WWOX: variants seen among roughly 807,000 people sequenced by gnomAD.
The protein encoded by WWOX is WW domain-containing oxidoreductase.
WWOX carries 69 observed loss-of-function variants against 46.2 expected under a neutral mutation model. The observed-to-expected ratio is 1.49, with a 90% CI of 1.23 to 1.82. WWOX has a LOEUF of 1.82. WWOX is among the 40% of genes most tolerant of loss of function. The pLI, the probability that WWOX is intolerant of heterozygous loss-of-function variation, is 0.00. For synonymous variants in WWOX, 359 were observed against 202.6 expected (o/e 1.77, Z -6.56); for missense variants, 919 against 542.6 (o/e 1.69, Z -6.89).
Position 78,948,085 on chromosome 16 carries a change from T to G in WWOX, c.1057-263523T>G, listed in dbSNP as rs2045983523. On this transcript the variant is annotated intron_variant, in intron 8 of 8. Transcript: ENST00000566780. Reference sequence around the variant, plus strand: ...CCTGTGCCGTCAGAGAGAGTTCAACTCCATCCGTGCAGCTGCTAGCATCTT... The same window carrying G: ...CCTGTGCCGTCAGAGAGAGTTCAACGCCATCCGTGCAGCTGCTAGCATCTT... Among the ~76,000 whole-genome samples the G allele has an allele frequency of 3.3e-5, 5 of 152,278 alleles. No homozygotes were observed. In the South Asian group the frequency reaches 1.0e-3, roughly 32 times the overall value.
At chr16:78,524,556 G>T (rs1292475723) in intron 8 of WWOX, among the ~76,000 whole-genome samples, 5 of 151,678 alleles carry the variant, frequency 3.3e-5, no homozygotes, top group Non-Finnish European at 7.4e-5. Context: ...GAGTAGCTGG[G>T]ATTACAGTTG....
At chr16:78,551,027 TAATATATTCCATGAAACAAGTATCGTG>T (rs1597252593) in intron 8 of WWOX, 1 of 152,214 alleles carries the variant, frequency 6.6e-6, no homozygotes, top group Non-Finnish European at 1.5e-5. Flanking sequence ...AACAAATACC[TAATATATTCCATGAAACAAGTATCGTG>T]AATATATTCC....
In WWOX at chr16:78,783,333, A is replaced by G. The variant is rs942099793; in HGVS notation, c.1056+350581A>G. 5.3e-5 allele frequency among the ~76,000 whole-genome samples: 8 copies of G among 152,230 alleles called. No individual in the cohort carries two copies. The South Asian group carries it at 1.0e-3, about 20-fold the overall frequency. ...ATGAAACATGCCATGGCCAGTGGAG[A>G]CAGGCTTGGGCTGATGGAGAGGGCC... is the stretch of plus-strand genomic sequence containing the variant. On this transcript the variant is annotated intron_variant, in intron 8 of 8. Transcript: ENST00000566780.
At chr16:78,857,715 G>A (rs2151187394) in intron 8 of WWOX, among the ~76,000 whole-genome samples, 1 of 152,244 alleles carries the variant, frequency 6.6e-6, no homozygotes, top group East Asian at 1.9e-4. Context: ...TTCCCTAGTA[G>A]TAACATTATA....
At chr16:78,589,301 C>T (rs2045296577) in intron 8 of WWOX, among the ~76,000 whole-genome samples, 1 of 152,124 alleles carries the variant, frequency 6.6e-6, no homozygotes, top group African/African-American at 2.4e-5. Flanking sequence ...AATATTTAGT[C>T]CATTCTGTAT....
chr16:78,718,648 C>T (rs968935835), intron 8 of WWOX, among the ~76,000 whole-genome samples: 4 of 151,934 alleles, frequency 2.6e-5, no homozygotes, highest in Non-Finnish European at 5.9e-5. Context: ...TTTGAGGCTA[C>T]CCTGAGCTAT....
chr16:78,530,782 A>T (rs1482123002), intron 8 of WWOX, among the ~76,000 whole-genome samples: 1 of 152,172 alleles, frequency 6.6e-6, no homozygotes, highest in Non-Finnish European at 1.5e-5. Flanking sequence ...TATGAAATTT[A>T]ATATGGTGAG....
chr16:79,192,725 C>G (rs1229867781), intron 8 of WWOX, among the ~76,000 whole-genome samples: 1 of 152,168 alleles, frequency 6.6e-6, no homozygotes, highest in African/African-American at 2.4e-5. Flanking sequence ...AGCCCCTTTG[C>G]TTATTCTCAG....
intron 8 of WWOX, among the ~76,000 whole-genome samples, chr16:78,957,280 C>G (rs367847310): frequency 6.6e-6 from 1 of 152,184 alleles, no homozygotes; most frequent in East Asian, 1.9e-4. Context: ...ACATGCGTGA[C>G]GACCAGATAA....
chr16:78,154,681 C>G (rs1325007409), intron 4 of WWOX, among the ~76,000 whole-genome samples: 1 of 152,062 alleles, frequency 6.6e-6, no homozygotes, highest in Non-Finnish European at 1.5e-5. Flanking sequence ...TTGTGCTTCT[C>G]TGTCCACGCA....
chr16:78,384,640 C>G (rs1597139967), intron 5 of WWOX, among the ~76,000 whole-genome samples: 1 of 152,122 alleles, frequency 6.6e-6, no homozygotes, highest in Non-Finnish European at 1.5e-5. Context: ...AGGAAACTAA[C>G]AACCCACGTG....
chr16:78,534,824 C>G (rs1567627832), intron 8 of WWOX, among the ~76,000 whole-genome samples: 1 of 151,988 alleles, frequency 6.6e-6, no homozygotes, highest in Non-Finnish European at 1.5e-5. Context: ...ATTCCACTGC[C>G]CTGATCAGCT....
chr16:79,020,013 C>A (rs760611417), intron 8 of WWOX, among the ~76,000 whole-genome samples: 1 of 152,224 alleles, frequency 6.6e-6, no homozygotes, highest in African/African-American at 2.4e-5. Flanking sequence ...AAGAGCTCAT[C>A]ATTAACATGC....
At chr16:78,272,996 G>T (rs1230758555) in intron 5 of WWOX, among the ~76,000 whole-genome samples, 3 of 151,978 alleles carry the variant, frequency 2.0e-5, no homozygotes, top group Admixed American at 1.3e-4. Context: ...CTGATTACAG[G>T]GATTTTTGTT....
intron 8 of WWOX, among the ~76,000 whole-genome samples, chr16:78,941,201 A>T (rs1239102031): frequency 6.6e-6 from 1 of 152,174 alleles, no homozygotes; most frequent in Non-Finnish European, 1.5e-5. Flanking sequence ...GCAAAGGATA[A>T]ATCTATCATG....
In WWOX at chr16:78,756,461, G is replaced by T. The variant is rs530145268; in HGVS notation, c.1056+323709G>T. On this transcript the variant is annotated intron_variant, in intron 8 of 8. Coordinates refer to ENST00000566780, the MANE Select transcript of WWOX (RefSeq NM_016373.4). ...CAGTCTGGGATTCCAGAAAAAGATT[G>T]ATTAGGCAATAGTTTACCTTAGACC... 3.3e-5 allele frequency among the ~76,000 whole-genome samples: 5 copies of T among 152,272 alleles called. No individual in the cohort carries two copies. The East Asian group carries it at 9.7e-4, about 29-fold the overall frequency.
chr16:78,204,222 T>G (rs2036321163), intron 5 of WWOX, among the ~76,000 whole-genome samples: 1 of 152,158 alleles, frequency 6.6e-6, no homozygotes. Context: ...CCCTCCAGCC[T>G]TTTTTTGTTC....
intron 5 of WWOX, among the ~76,000 whole-genome samples, chr16:78,358,672 A>ATGTGTG (rs59222504): frequency 1.3e-5 from 2 of 151,268 alleles, no homozygotes; most frequent in African/African-American, 2.4e-5. Context: ...AATAAATAAT[A>ATGTGTG]TGTGTGTGTG....
At chr16:78,744,332 T>C (rs2049297329) in intron 8 of WWOX, among the ~76,000 whole-genome samples, 1 of 152,074 alleles carries the variant, frequency 6.6e-6, no homozygotes, top group African/African-American at 2.4e-5. Flanking sequence ...TTCATTTTTA[T>C]TTGTTTGCTT....
Sources: gnomAD v4.1 joint callset for allele counts (sites outside exome capture counted in the v4.1 genomes callset) on GRCh38, gnomAD v4.1.1 for gene constraint, MANE v1.5 for transcripts, NCBI Gene and HGNC (gene_info 2026-07-23, HGNC 2026-07-21) for gene names.